LAMC2: variants seen among roughly 807,000 people sequenced by gnomAD.
The protein encoded by LAMC2 is laminin subunit gamma-2.
LAMC2 carries 97 observed loss-of-function variants against 140.2 expected under a neutral mutation model. That is an observed-to-expected ratio of 0.69 (90% CI 0.59 to 0.82). The LOEUF (loss-of-function observed/expected upper bound fraction) is 0.82. Among genes scored for constraint, LAMC2 ranks in the 40% least tolerant of loss-of-function variants. The pLI, the probability that LAMC2 is intolerant of heterozygous loss-of-function variation, is 0.00. For missense variants in LAMC2, 1,402 were observed against 1,476.1 expected, an observed-to-expected ratio of 0.95 and a Z score of 0.82; for synonymous variants, 513 against 540.2, an observed-to-expected ratio of 0.95 and a Z score of 0.70.
the LAMC2 span, among the ~76,000 whole-genome samples, chr1:183,257,529 G>A: frequency 6.6e-6 from 1 of 152,140 alleles, no homozygotes; most frequent in South Asian, 2.1e-4. Context: ...TCTTTGTTGG[G>A]AAGTTTTTAA....
rs781422655 is a variant in LAMC2, at chr1:183,238,353, C to A, written c.2801C>A (p.Ala934Glu). 6.2e-7 allele frequency: 1 copy of A among 1,614,092 alleles called. No homozygotes were observed. Among genetic ancestry groups the A allele is most frequent in the Non-Finnish European group, 8.5e-7 (1 of 1,179,980 alleles). ...LSRANLAKSR[A>E]QEALSMGNAT... ...CGTGCCAATCTTGCTAAAAGCAGAGCACAAGAAGCACTGAGTATGGGCAAT... is the reference window on the plus strand; with the variant it reads ...CGTGCCAATCTTGCTAAAAGCAGAGAACAAGAAGCACTGAGTATGGGCAAT... The change falls in exon 19 of 23, where the codon GCA (alanine) becomes GAA (glutamate). Residue 934 changes from alanine to glutamate, a missense_variant. Physicochemically the swap from Ala to Glu is moderately radical, Grantham distance 107. Transcript: ENST00000264144.
chr1:183,200,346 C>T (rs1158612393), intron 1 of LAMC2, among the ~76,000 whole-genome samples: 1 of 151,744 alleles, frequency 6.6e-6, no homozygotes, highest in African/African-American at 2.4e-5. Context: ...GCCAAGATCG[C>T]GCCACTGCAC....
chr1:183,230,056 A>G (rs1659753820), intron 11 of LAMC2, among the ~76,000 whole-genome samples: 2 of 152,254 alleles, frequency 1.3e-5, no homozygotes, highest in Admixed American at 1.3e-4. Context: ...AAAGCACACT[A>G]TAAACACTAT....
intron 11 of LAMC2, 79 bp from the exon 12 acceptor site, chr1:183,230,882 C>T: frequency 2.0e-6 from 3 of 1,525,834 alleles, no homozygotes; most frequent in South Asian, 2.2e-5. Context: ...GAGGCTTGAT[C>T]TCCTTCCTTG....
chr1:183,240,426 C>T, intron 22 of LAMC2, 35 bp downstream of exon 22: 1 of 1,613,382 alleles, frequency 6.2e-7, no homozygotes, highest in Non-Finnish European at 8.5e-7. Flanking sequence ...CTTCCAGCTC[C>T]ATGCTCCAGG....
chr1:183,240,572 G>A (rs111482482), intron 22 of LAMC2, 181 bp downstream of exon 22: 1 of 1,441,186 alleles, frequency 6.9e-7, no homozygotes, highest in South Asian at 1.5e-5. Context: ...ACTGGACCCT[G>A]TTTTACCGTT....
At chr1:183,189,669 A>G (rs1037322890) in intron 1 of LAMC2, among the ~76,000 whole-genome samples, 2 of 152,214 alleles carry the variant, frequency 1.3e-5, no homozygotes, top group Non-Finnish European at 2.9e-5. Context: ...AGATAGAGGA[A>G]CGATGGAGCA....
downstream of LAMC2, among the ~76,000 whole-genome samples, chr1:183,245,223 A>G (rs1347546755): frequency 6.6e-6 from 1 of 152,242 alleles, no homozygotes. Flanking sequence ...TTTGTGGTGC[A>G]TATGTCATGC....
At position 183,240,362 on chromosome 1, in the gene LAMC2, A is replaced by G. The variant is rs755619459; in HGVS notation, c.3299A>G (p.Asn1100Ser). Residue 1100 changes from asparagine (N) to serine (S), a missense_variant, in exon 22 of 23, where the codon AAC (asparagine) becomes AGC (serine). Coordinates refer to ENST00000264144, the MANE Select transcript of LAMC2 (RefSeq NM_005562.3). ...NAGVTIQDTL[N>S]TLDGLLHLMD... ...GGGGTTACAATCCAAGACACACTCA[A>G]CACATTAGACGGCCTCCTGCATCTG... The G allele has an allele frequency of 1.9e-6, 3 of 1,614,108 alleles. No individual in the cohort carries two copies. The highest frequency in any genetic ancestry group is 2.2e-5 in the South Asian group (2 of 91,094).
rs1313731386 is a variant in LAMC2, at chr1:183,232,870, T to C, written c.2220+13T>C. On this transcript the variant is annotated intron_variant, in intron 14 of 22. Coordinates refer to ENST00000264144, the MANE Select transcript of LAMC2 (RefSeq NM_005562.3). The stretch of plus-strand genomic sequence containing the variant: ...CTTGGGAAACACTGTAGGTTTTTGC[T>C]GGGCTAGAGTATTGAGAATACTGCT... 9 of 1,613,356 alleles carry C rather than the reference T, an allele frequency of 5.6e-6. No individual in the cohort carries two copies. The highest frequency in any genetic ancestry group is 7.6e-6 in the Non-Finnish European group (9 of 1,179,324).
the LAMC2 span, among the ~76,000 whole-genome samples, chr1:183,254,688 C>G: frequency 6.6e-6 from 1 of 152,230 alleles, no homozygotes. Context: ...CTTTCCACCT[C>G]AGCCTCCCAG....
At chr1:183,201,022 T>C (rs1019773947) in intron 1 of LAMC2, among the ~76,000 whole-genome samples, 7 of 152,218 alleles carry the variant, frequency 4.6e-5, no homozygotes, top group African/African-American at 1.7e-4. Flanking sequence ...TGGGTTTATG[T>C]AGGACTTGAG....
intron 10 of LAMC2, 125 bp downstream of exon 10, chr1:183,227,822 CT>C: frequency 1.2e-6 from 1 of 866,900 alleles, no homozygotes; most frequent in Non-Finnish European, 1.9e-6. Context: ...CCCAAATGTG[CT>C]CACTCTAAAG....
intron 3 of LAMC2, among the ~76,000 whole-genome samples, chr1:183,216,338 A>T (rs1345241417): frequency 6.6e-6 from 1 of 151,920 alleles, no homozygotes; most frequent in African/African-American, 2.4e-5. Flanking sequence ...TTCAGAGATC[A>T]CCCCTGCCCC....
rs1659731508 is a variant in LAMC2 at position 183,229,302 on chromosome 1, C to T, written c.1714+683C>T. 2.0e-5 allele frequency among the ~76,000 whole-genome samples: 3 copies of T among 152,102 alleles called. No homozygotes were observed. In the South Asian group the frequency reaches 6.2e-4, roughly 32 times the overall value. The stretch of plus-strand genomic sequence containing the variant: ...CCTCAGTCCCAGGCTGACCTTGGTG[C>T]CCAGAACTCAGGAGTTTGTTTACCC... On this transcript the variant is annotated intron_variant, in intron 11 of 22. Transcript: ENST00000264144.
chr1:183,226,866 C>A lies in LAMC2; in HGVS notation c.1235C>A (p.Thr412Asn). The A allele has an allele frequency of 6.2e-7, 1 of 1,614,102 alleles. No homozygotes were observed. The highest frequency in any genetic ancestry group is 8.5e-7 in the Non-Finnish European group (1 of 1,180,016). ...TCAGCGAGACTGGGGCCTTTTGGCA[C>A]CTGTATTCCTTGTAACTGTCAAGGG... is the stretch of plus-strand genomic sequence containing the variant. ...RDSARLGPFG[T>N]CIPCNCQGGG... The change falls in exon 9 of 23, where the codon ACC becomes AAC. Residue 412 changes from threonine to asparagine, a missense_variant. Physicochemically the swap from Thr to Asn is moderately conservative, Grantham distance 65. Coordinates refer to ENST00000264144, the MANE Select transcript of LAMC2 (RefSeq NM_005562.3).
At chr1:183,221,174 CTTAAAAGAAT>C (rs1222172919) in intron 5 of LAMC2, among the ~76,000 whole-genome samples, 1 of 152,170 alleles carries the variant, frequency 6.6e-6, no homozygotes, top group Non-Finnish European at 1.5e-5. Context: ...GTGAATATAA[CTTAAAAGAAT>C]AACTAAAAAA....
chr1:183,256,189 C>T, the LAMC2 span, among the ~76,000 whole-genome samples: 24 of 152,070 alleles, frequency 1.6e-4, no homozygotes, highest in East Asian at 9.7e-4. Context: ...AGGCAGATCA[C>T]GAGGTCAGGC....
the LAMC2 span, among the ~76,000 whole-genome samples, chr1:183,258,493 TTAGTTTA>T: frequency 6.6e-6 from 1 of 152,002 alleles, no homozygotes; most frequent in South Asian, 2.1e-4. Flanking sequence ...CAGGAGAAAC[TTAGTTTA>T]TAGTTTATAG....
Sources: allele counts gnomAD v4.1 joint callset (sites outside exome capture counted in the v4.1 genomes callset), GRCh38; gene constraint gnomAD v4.1.1; transcripts MANE v1.5; gene names NCBI Gene and HGNC (gene_info 2026-07-23, HGNC 2026-07-21).